The following PACS1 variants were observed in gnomAD, a reference collection of about 807,000 sequenced individuals.
The protein encoded by PACS1 is phosphofurin acidic cluster sorting protein 1.
In PACS1, 24 loss-of-function variants were observed where a neutral mutation model predicts 115.0. That is an observed-to-expected ratio of 0.21 (90% confidence interval 0.15 to 0.29). The LOEUF (loss-of-function observed/expected upper bound fraction) is 0.29. Ranked by LOEUF, PACS1 falls within the 10% of genes least tolerant of loss-of-function variation. The probability of loss-of-function intolerance (pLI) is 1.00; values close to 1 mark genes in which losing one functional copy is unlikely to be tolerated. For missense variants in PACS1, 838 were observed against 1,251.2 expected (o/e 0.67, Z 4.98); for synonymous variants, 453 against 504.5 (o/e 0.90, Z 1.37).
intron 1 of PACS1, among the ~76,000 whole-genome samples, chr11:66,074,950 T>TG (rs1229016437): frequency 7.0e-6 from 1 of 142,296 alleles, no homozygotes; most frequent in Non-Finnish European, 1.5e-5. Context: ...TGTTTTTTTT[T>TG]TTTTTTTTTT....
chr11:66,138,880 A>C (rs1858910645), intron 1 of PACS1, among the ~76,000 whole-genome samples: 1 of 151,910 alleles, frequency 6.6e-6, no homozygotes, highest in Non-Finnish European at 1.5e-5. Flanking sequence ...ACAGGGTTTC[A>C]CCATGTTGGC....
chr11:66,124,779 A>G (rs1478846604), intron 1 of PACS1, among the ~76,000 whole-genome samples: 1 of 152,246 alleles, frequency 6.6e-6, no homozygotes, highest in African/African-American at 2.4e-5. Flanking sequence ...TGACTTAAAC[A>G]CACAGATGTT....
At chr11:66,189,509 A>G (rs1259209212) in intron 1 of PACS1, among the ~76,000 whole-genome samples, 1 of 152,244 alleles carries the variant, frequency 6.6e-6, no homozygotes, top group African/African-American at 2.4e-5. Context: ...CTGGGGCATA[A>G]TAGAGCAGCA....
At chr11:66,189,836 A>G (rs1854476469) in intron 1 of PACS1, among the ~76,000 whole-genome samples, 1 of 152,226 alleles carries the variant, frequency 6.6e-6, no homozygotes, top group Non-Finnish European at 1.5e-5. Flanking sequence ...TTGATCATAC[A>G]CATTGAGTTA....
chr11:66,224,386 C>T (rs949236962), intron 10 of PACS1, among the ~76,000 whole-genome samples: 3 of 152,138 alleles, frequency 2.0e-5, no homozygotes, highest in African/African-American at 7.2e-5. Flanking sequence ...CTACAAGGTA[C>T]GTGTTAAAGC....
In PACS1 at chr11:66,109,649, TC is replaced by T. The variant is rs1858141630; in HGVS notation, c.356+38808del. Among the ~76,000 whole-genome samples the T allele has an allele frequency of 2.0e-5, 3 of 152,352 alleles. No individual in the cohort carries two copies. In the South Asian group the frequency reaches 6.2e-4, roughly 32 times the overall value. ...TCCCCAGCCTTTATCTTCCACATTT[TC>T]TGCTGTGTTGTTTCAACAGCCAGTG... On this transcript the variant is annotated intron_variant, in intron 1 of 23. Coordinates refer to ENST00000320580, the MANE Select transcript of PACS1 (RefSeq NM_018026.4).
intron 10 of PACS1, among the ~76,000 whole-genome samples, chr11:66,223,074 A>T (rs573555835): frequency 6.6e-6 from 1 of 151,830 alleles, no homozygotes; most frequent in African/African-American, 2.4e-5. Flanking sequence ...AAAAAAAAAA[A>T]AAAACTCTTT....
chr11:66,095,654 C>T (rs1182433390), intron 1 of PACS1, among the ~76,000 whole-genome samples: 5 of 152,172 alleles, frequency 3.3e-5, no homozygotes, highest in African/African-American at 9.7e-5. Context: ...GACGGAGTTT[C>T]ACCATGTTGG....
At position 66,210,440 on chromosome 11, in the gene PACS1, T is replaced by A. The variant is rs1467150487; in HGVS notation, c.523T>A (p.Phe175Ile). The stretch of plus-strand genomic sequence containing the variant: ...GGTGGAAACAGAGCTCCAATTAACC[T>A]TCTCCCTTCAGGTGAGACTCTCCTA... ...GLVETELQLT[F>I]SLQYPHFLKR... The change falls in exon 3 of 24, where the codon TTC becomes ATC. Residue 175 changes from phenylalanine to isoleucine, a missense_variant. By Grantham distance (21) the Phe-to-Ile change is conservative (BLOSUM62 0). This residue lies in a region of PACS1 where 223 missense variants were observed against 354.0 expected (regional missense o/e 0.63). Coordinates refer to ENST00000320580, the MANE Select transcript of PACS1 (RefSeq NM_018026.4). The A allele has an allele frequency of 1.2e-6, 2 of 1,611,046 alleles. No individual in the cohort carries two copies. Among genetic ancestry groups the A allele is most frequent in the Non-Finnish European group, 8.5e-7 (1 of 1,177,212 alleles).
chr11:66,096,691 C>T (rs772392297), intron 1 of PACS1, among the ~76,000 whole-genome samples: 7 of 151,170 alleles, frequency 4.6e-5, no homozygotes, highest in Admixed American at 6.6e-5. Context: ...TTTGTGGAGA[C>T]GGGGTTTCTC....
rs756953990 is a variant in PACS1 at position 66,221,260 on chromosome 11, G to A, written c.1293+13G>A. On this transcript the variant is annotated intron_variant, in intron 10 of 23. Coordinates refer to ENST00000320580, the MANE Select transcript of PACS1 (RefSeq NM_018026.4). ...CACCACCAGCCCTGTGAGCGCAACC[G>A]CGACTGCGGGGCGGGGTGGGACCGT... The A allele has an allele frequency of 1.6e-5, 26 of 1,611,562 alleles. No homozygotes were observed. Among genetic ancestry groups the A allele is most frequent in the African/African-American group, 2.7e-5 (2 of 74,910 alleles).
At position 66,226,153 on chromosome 11, in the gene PACS1, T is replaced by G. The variant is rs1160825798; in HGVS notation, c.1294-1351T>G. Among the ~76,000 whole-genome samples the G allele has an allele frequency of 2.0e-5, 3 of 152,188 alleles. No individual in the cohort carries two copies. The East Asian group carries it at 5.8e-4, about 29-fold the overall frequency. ...CACCACTACACCCCAGCCTGGGCAATAGAGTGAGATTCAGTCTCAAAAAAA... is the reference window on the plus strand; with the variant it reads ...CACCACTACACCCCAGCCTGGGCAAGAGAGTGAGATTCAGTCTCAAAAAAA... On this transcript the variant is annotated intron_variant, in intron 10 of 23. Transcript: ENST00000320580.
At chr11:66,225,420 G>A (rs1330179505) in intron 10 of PACS1, among the ~76,000 whole-genome samples, 2 of 152,176 alleles carry the variant, frequency 1.3e-5, no homozygotes, top group Non-Finnish European at 2.9e-5. Flanking sequence ...ATGAAATTGG[G>A]AATTTGTCCC....
intron 1 of PACS1, among the ~76,000 whole-genome samples, chr11:66,136,245 G>T (rs1163070999): frequency 6.7e-6 from 1 of 149,422 alleles, no homozygotes; most frequent in Admixed American, 6.7e-5. Context: ...TGTGAAACAG[G>T]ACTGCCCAAT....
chr11:66,120,958 T>G (rs747877764), intron 1 of PACS1: 8 of 454,506 alleles, frequency 1.8e-5, no homozygotes, highest in Non-Finnish European at 3.5e-5. Context: ...CTCTCTCTGC[T>G]TCCCACTGTG....
chr11:66,070,910 C>T lies in PACS1; in HGVS notation c.356+68C>T, dbSNP rs1033241640. ...GGCCGCCGGGGCCCAGCCCTCCCCG[C>T]CCCAGCGCCCATGGGGTCCCCGCCC... On this transcript the variant is annotated intron_variant, in intron 1 of 23. Transcript: ENST00000320580. This position sits in a 1 kb window ranked among gnomAD's most constrained non-coding sequence, Gnocchi z 5.9. The T allele has an allele frequency of 1.1e-5, 15 of 1,345,156 alleles. No homozygotes were observed. The highest frequency in any genetic ancestry group is 3.1e-5 in the African/African-American group (2 of 64,576). 83.3% of individuals were successfully genotyped at this position (1,345,156 alleles called of 1,614,324 possible). A position where few individuals can be genotyped will look rare whatever the true frequency, so the allele number is the denominator to read the frequency against.
rs1855638151 is a variant in PACS1, at chr11:66,233,275, C to T, written c.1838+209C>T. On this transcript the variant is annotated intron_variant, in intron 15 of 23. Transcript: ENST00000320580. This position sits in a 1 kb window ranked among gnomAD's most constrained non-coding sequence, Gnocchi z 4.5. ...GGATCGGGGGTGGAAATATCAATTC[C>T]TGTGCTCCCTGCCTCCCTGCCTGGA... 6.6e-6 allele frequency among the ~76,000 whole-genome samples: 1 copy of T among 152,166 alleles called. No homozygotes were observed. The highest frequency in any genetic ancestry group is 1.5e-5 in the Non-Finnish European group (1 of 68,022).
chr11:66,135,199 C>T, intron 1 of PACS1, among the ~76,000 whole-genome samples: 1 of 145,862 alleles, frequency 6.9e-6, no homozygotes, highest in African/African-American at 2.5e-5. Context: ...GACTCCATCT[C>T]AAAAAAAAAA....
chr11:66,201,185 C>G (rs778474735), intron 2 of PACS1, among the ~76,000 whole-genome samples: 4 of 151,808 alleles, frequency 2.6e-5, no homozygotes, highest in Non-Finnish European at 5.9e-5. Context: ...CGCCACTGCA[C>G]TCCAACCTGG....
Sources: allele counts gnomAD v4.1 joint callset (sites outside exome capture counted in the v4.1 genomes callset), GRCh38; gene constraint gnomAD v4.1.1; regional missense constraint gnomAD v4.1.1; non-coding constraint Gnocchi (gnomAD v3.1); transcripts MANE v1.5; gene names NCBI Gene and HGNC (gene_info 2026-07-23, HGNC 2026-07-21).